MITF: variants seen among roughly 807,000 people sequenced by gnomAD.
MITF encodes the protein microphthalmia-associated transcription factor.
Under a neutral mutation model 60.5 loss-of-function variants are expected in MITF, and 17 were observed. The ratio of observed to expected loss-of-function variants is 0.28; its 90% CI spans 0.19 to 0.42. The LOEUF (loss-of-function observed/expected upper bound fraction) is 0.42, where lower values mean the gene tolerates loss of function less well. MITF is among the 10% of genes least tolerant of loss of function. The probability of loss-of-function intolerance (pLI) is 1.00; values close to 1 mark genes in which losing one functional copy is unlikely to be tolerated. For synonymous variants in MITF, 260 were observed against 248.5 expected, an observed-to-expected ratio of 1.05 and a Z score of -0.43; for missense variants, 622 against 683.5, an observed-to-expected ratio of 0.91 and a Z score of 1.00.
At chr3:69,829,702 T>A (rs1051484856) in intron 1 of MITF, among the ~76,000 whole-genome samples, 1 of 148,088 alleles carries the variant, frequency 6.8e-6, no homozygotes, top group East Asian at 1.9e-4. Context: ...ACACACCAAC[T>A]GTCAGGTGAT....
intron 1 of MITF, chr3:69,866,193 C>G (rs1575841964): frequency 1.3e-6 from 2 of 1,576,288 alleles, no homozygotes. Context: ...TTTCCAGGGC[C>G]TTATCAGGAG....
At chr3:69,882,567 A>G in intron 2 of MITF, among the ~76,000 whole-genome samples, 1 of 151,836 alleles carries the variant, frequency 6.6e-6, no homozygotes, top group African/African-American at 2.4e-5. Flanking sequence ...AACAACAACA[A>G]AAAAAAAGTC....
chr3:69,760,181 T>G (rs1415789780), intron 1 of MITF, among the ~76,000 whole-genome samples: 1 of 152,212 alleles, frequency 6.6e-6, no homozygotes, highest in Non-Finnish European at 1.5e-5. Flanking sequence ...GGTAGAATTT[T>G]GACAGATTTT....
chr3:69,779,353 G>C (rs2062526197), intron 1 of MITF, among the ~76,000 whole-genome samples: 1 of 152,162 alleles, frequency 6.6e-6, no homozygotes, highest in Non-Finnish European at 1.5e-5. Flanking sequence ...TCTGAAACAA[G>C]GGTGGCTATG....
intron 1 of MITF, chr3:69,763,677 G>C: frequency 1.6e-6 from 2 of 1,275,458 alleles, no homozygotes; most frequent in Non-Finnish European, 2.0e-6. Context: ...TCCGCCAAAG[G>C]GCCAAGGCAG....
Position 69,966,860 on chromosome 3 carries a change from TG to T in MITF, c.*1614del, listed in dbSNP as rs779647596. ...CCTTAAATATAGCAGTAGTCTTTTT[TG>T]GACTAGCACTGACTGAACTGTAATG... On this transcript the variant is annotated 3_prime_UTR_variant, in exon 10 of 10. Coordinates refer to ENST00000352241, the MANE Select transcript of MITF (RefSeq NM_001354604.2). 41 of 232,690 alleles carry T rather than the reference TG, an allele frequency of 1.8e-4. No individual in the cohort carries two copies. Among genetic ancestry groups the T allele is most frequent in the Middle Eastern group, 1.3e-3 (1 of 796 alleles). 14.4% of individuals were successfully genotyped at this position (232,690 alleles called of 1,614,324 possible).
chr3:69,905,809 T>C (rs1575929836), intron 2 of MITF, among the ~76,000 whole-genome samples: 3 of 152,112 alleles, frequency 2.0e-5, no homozygotes, highest in Admixed American at 2.0e-4. Context: ...TTTGGTGAAG[T>C]GTGTGCAAAT....
In MITF at chr3:69,800,619, G is replaced by C. The variant is rs1028677808; in HGVS notation, c.104+60918G>C. Among the ~76,000 whole-genome samples, 6 of 151,836 alleles carry C rather than the reference G, an allele frequency of 4.0e-5. No individual in the cohort carries two copies. The East Asian group carries it at 1.2e-3, about 29-fold the overall frequency. ...TTTTTCCACATCTTTGCCAACACTT[G>C]TTATTTTCAGTTAAAAAAAAATTAT... is the stretch of plus-strand genomic sequence containing the variant. On this transcript the variant is annotated intron_variant, in intron 1 of 9. Coordinates refer to ENST00000352241, the MANE Select transcript of MITF (RefSeq NM_001354604.2).
intron 1 of MITF, among the ~76,000 whole-genome samples, chr3:69,826,692 G>A (rs1259892521): frequency 6.6e-6 from 1 of 152,140 alleles, no homozygotes; most frequent in Non-Finnish European, 1.5e-5. Context: ...TACCAGTTGT[G>A]CAGGGTTTGG....
intron 1 of MITF, among the ~76,000 whole-genome samples, chr3:69,870,259 TACACACACACAC>T: frequency 6.9e-6 from 1 of 145,302 alleles, no homozygotes; most frequent in African/African-American, 2.5e-5. Flanking sequence ...GGTAAATGGA[TACACACACACAC>T]ACACACACAC....
At chr3:69,832,316 G>A (rs1318424517) in intron 1 of MITF, among the ~76,000 whole-genome samples, 2 of 152,278 alleles carry the variant, frequency 1.3e-5, no homozygotes, top group Non-Finnish European at 1.5e-5. Context: ...GGCCAAAGAG[G>A]CCTCTTTCTG....
Position 69,879,254 on chromosome 3 carries a change from G to T in MITF, c.225G>T (p.Glu75Asp). ...REQMQEQERR[E>D]QQQKLQAAQF... Reference sequence around the variant, plus strand: ...AGATGCAGGAGCAGGAGCGCAGGGAGCAGCAGCAGAAGCTGCAGGCGGCCC... The same window carrying T: ...AGATGCAGGAGCAGGAGCGCAGGGATCAGCAGCAGAAGCTGCAGGCGGCCC... Residue 75 changes from glutamate (E) to aspartate (D), a missense_variant, in exon 2 of 10, where the codon GAG (glutamate) becomes GAT (aspartate). Coordinates refer to ENST00000352241, the MANE Select transcript of MITF (RefSeq NM_001354604.2). The T allele has an allele frequency of 1.2e-6, 2 of 1,614,220 alleles. No homozygotes were observed. Among genetic ancestry groups the T allele is most frequent in the Non-Finnish European group, 1.7e-6 (2 of 1,180,046 alleles).
intron 1 of MITF, among the ~76,000 whole-genome samples, chr3:69,809,311 G>C (rs1160697430): frequency 1.3e-5 from 2 of 152,158 alleles, no homozygotes; most frequent in Admixed American, 6.5e-5. Context: ...AACCAGTATT[G>C]CTGTGTCACT....
chr3:69,742,214 G>T (rs139866819), intron 1 of MITF, among the ~76,000 whole-genome samples: 118 of 152,160 alleles, frequency 7.8e-4, no homozygotes, highest in African/African-American at 2.7e-3. Context: ...TGCCCCTGGG[G>T]TCATTTGACA....
intron 1 of MITF, among the ~76,000 whole-genome samples, chr3:69,821,240 C>G (rs75114713): frequency 0.017 from 2,550 of 152,226 alleles, 27 homozygotes; most frequent in Non-Finnish European, 0.027. Context: ...AAGTGTAGGT[C>G]AGATGCTGTG....
chr3:69,886,105 C>G (rs2064610766), intron 2 of MITF, among the ~76,000 whole-genome samples: 1 of 152,068 alleles, frequency 6.6e-6, no homozygotes, highest in Non-Finnish European at 1.5e-5. Context: ...GTGGTAATAC[C>G]TCTCCTGGAG....
At chr3:69,840,273 C>A (rs980648563) in intron 1 of MITF, among the ~76,000 whole-genome samples, 2 of 152,164 alleles carry the variant, frequency 1.3e-5, no homozygotes, top group Non-Finnish European at 2.9e-5. Flanking sequence ...AGGAACACTT[C>A]TATGGGCACA....
chr3:69,774,479 A>G (rs2062442682), intron 1 of MITF, among the ~76,000 whole-genome samples: 1 of 152,170 alleles, frequency 6.6e-6, no homozygotes, highest in Admixed American at 6.5e-5. Flanking sequence ...GTGGAGAAGT[A>G]TTGCTTTAGT....
chr3:69,822,336 C>T (rs923037792), intron 1 of MITF, among the ~76,000 whole-genome samples: 6 of 152,160 alleles, frequency 3.9e-5, no homozygotes, highest in Admixed American at 3.9e-4. Context: ...GCTTGCTGGC[C>T]CCTGGTTTAG....
Sources: gnomAD v4.1 joint callset for allele counts (sites outside exome capture counted in the v4.1 genomes callset) on GRCh38, gnomAD v4.1.1 for gene constraint, MANE v1.5 for transcripts, NCBI Gene and HGNC (gene_info 2026-07-23, HGNC 2026-07-21) for gene names.